Variants in PARP8 observed in about 807,000 individuals in gnomAD.
The protein encoded by PARP8 is poly(ADP-ribose) polymerase family member 8, also known as protein mono-ADP-ribosyltransferase PARP8.
In PARP8, 51 loss-of-function variants were observed where a neutral mutation model predicts 124.1. That is an observed-to-expected ratio of 0.41 (90% confidence interval 0.33 to 0.52). The LOEUF (loss-of-function observed/expected upper bound fraction) is 0.52, where lower values mean the gene tolerates loss of function less well. PARP8 is among the 20% of genes least tolerant of loss of function. The pLI is 0.21. For missense variants in PARP8, 860 were observed against 1,018.9 expected (o/e 0.84, Z 2.12); for synonymous variants, 391 against 361.5 (o/e 1.08, Z -0.93).
Position 50,825,322 on chromosome 5 carries a change from A to C in PARP8, c.1928+347A>C, listed in dbSNP as rs558399782. On this transcript the variant is annotated intron_variant, in intron 18 of 25. Transcript: ENST00000281631. ...TAATTTTCTAGTTCAGTGAGGACTA[A>C]GTGATCAAACTCAGTGTTTCAACCT... Among the ~76,000 whole-genome samples the C allele has an allele frequency of 2.9e-3, 440 of 152,334 alleles. 2 individuals carry two copies. The highest frequency in any genetic ancestry group is 0.01 in the African/African-American group (426 of 41,582).
chr5:50,755,598 T>C (rs1471188103), intron 3 of PARP8, among the ~76,000 whole-genome samples: 1 of 152,202 alleles, frequency 6.6e-6, no homozygotes, highest in Non-Finnish European at 1.5e-5. Context: ...ATAGTATAGT[T>C]TGAAGTCAGG....
At chr5:50,668,471 CATAAAA>C in intron 2 of PARP8, 1 of 203,570 alleles carries the variant, frequency 4.9e-6, no homozygotes, top group Non-Finnish European at 1.0e-5. Context: ...GTATAAAAGA[CATAAAA>C]TGTCACAAAA....
intron 2 of PARP8, among the ~76,000 whole-genome samples, chr5:50,732,610 A>AT (rs1326790301): frequency 1.3e-5 from 2 of 151,740 alleles, no homozygotes; most frequent in Non-Finnish European, 2.9e-5. Context: ...AGCAGATTGT[A>AT]TTTTTTTCTT....
At chr5:50,723,148 TGA>T (rs1214178107) in intron 2 of PARP8, among the ~76,000 whole-genome samples, 4 of 152,118 alleles carry the variant, frequency 2.6e-5, no homozygotes, top group Non-Finnish European at 4.4e-5. Context: ...TTCTTTCTCT[TGA>T]GAATCAACTT....
chr5:50,828,705 C>A (rs1238585301), intron 21 of PARP8, among the ~76,000 whole-genome samples: 5 of 151,254 alleles, frequency 3.3e-5, no homozygotes, highest in Non-Finnish European at 7.4e-5. Flanking sequence ...CATGGCAAAA[C>A]CCTGTCTCTA....
intron 2 of PARP8, among the ~76,000 whole-genome samples, chr5:50,672,275 C>T (rs981512548): frequency 6.6e-6 from 1 of 152,202 alleles, no homozygotes; most frequent in African/African-American, 2.4e-5. Flanking sequence ...GACTGTGAGC[C>T]TCTTGGAGAT....
chr5:50,696,899 C>T (rs529137287), intron 2 of PARP8, among the ~76,000 whole-genome samples: 1 of 152,256 alleles, frequency 6.6e-6, no homozygotes, highest in African/African-American at 2.4e-5. Flanking sequence ...CTTAACTGTT[C>T]TTGCCTTGGG....
intron 2 of PARP8, among the ~76,000 whole-genome samples, chr5:50,698,149 A>C (rs1266872254): frequency 6.6e-6 from 1 of 152,216 alleles, no homozygotes; most frequent in Admixed American, 6.5e-5. Context: ...TGCTCATGGA[A>C]TATTTCTCAG....
At chr5:50,765,193 C>T (rs1177423731) in intron 7 of PARP8, among the ~76,000 whole-genome samples, 2 of 151,088 alleles carry the variant, frequency 1.3e-5, no homozygotes, top group Admixed American at 1.3e-4. Flanking sequence ...ACTCAGGGGG[C>T]GGAGGTTGCA....
At chr5:50,832,028 T>C (rs1747045244) in intron 22 of PARP8, among the ~76,000 whole-genome samples, 1 of 152,158 alleles carries the variant, frequency 6.6e-6, no homozygotes, top group Non-Finnish European at 1.5e-5. Flanking sequence ...CCTGTCCCCA[T>C]CCACCCCTCC....
intron 25 of PARP8, 94 bp from the exon 26 acceptor site, chr5:50,841,871 TG>T: frequency 1.2e-6 from 1 of 809,084 alleles, no homozygotes; most frequent in Non-Finnish European, 1.9e-6. Context: ...TTGATTCTCT[TG>T]GGCTATATTT....
intron 21 of PARP8, 32 bp from the exon 22 acceptor site, chr5:50,829,860 C>A: frequency 6.5e-7 from 1 of 1,547,322 alleles, no homozygotes; most frequent in Non-Finnish European, 8.8e-7. Context: ...CATGAACAGA[C>A]CTCTCTCTCT....
chr5:50,746,813 G>A (rs2149544230), intron 2 of PARP8, among the ~76,000 whole-genome samples: 1 of 152,214 alleles, frequency 6.6e-6, no homozygotes, highest in South Asian at 2.1e-4. Flanking sequence ...GATCACTTGA[G>A]GCCAGATGTT....
At chr5:50,813,710 A>G (rs545379997) in intron 14 of PARP8, among the ~76,000 whole-genome samples, 2 of 152,286 alleles carry the variant, frequency 1.3e-5, no homozygotes, top group East Asian at 3.9e-4. Flanking sequence ...GCCCTTCAGT[A>G]TGATACTTGC....
chr5:50,748,641 A>G (rs1350753952), intron 2 of PARP8, among the ~76,000 whole-genome samples: 1 of 152,126 alleles, frequency 6.6e-6, no homozygotes, highest in Non-Finnish European at 1.5e-5. Context: ...TATGGGCTGA[A>G]TAGAGAATTC....
chr5:50,720,876 T>G (rs1402980280), intron 2 of PARP8, among the ~76,000 whole-genome samples: 6 of 151,938 alleles, frequency 3.9e-5, no homozygotes, highest in African/African-American at 1.4e-4. Context: ...ATCTCTTCTT[T>G]CAGACCAACC....
At chr5:50,713,717 G>A (rs1386090564) in intron 2 of PARP8, among the ~76,000 whole-genome samples, 1 of 152,024 alleles carries the variant, frequency 6.6e-6, no homozygotes, top group Non-Finnish European at 1.5e-5. Flanking sequence ...TTGAGATGGG[G>A]GGATTACCTT....
intron 2 of PARP8, among the ~76,000 whole-genome samples, chr5:50,735,562 TCAG>T (rs1350989533): frequency 6.6e-6 from 1 of 152,178 alleles, no homozygotes; most frequent in East Asian, 1.9e-4. Context: ...TTAATTGGAT[TCAG>T]GTTGTTTATC....
rs544675542 is a variant in PARP8 at position 50,833,542 on chromosome 5, T to C, written c.2308-437T>C. On this transcript the variant is annotated intron_variant, in intron 23 of 25. Coordinates refer to ENST00000281631, the MANE Select transcript of PARP8 (RefSeq NM_024615.4). Reference sequence around the variant, plus strand: ...AAAAAAAAATCCCAGATTTTCTACATGAAATGTTTCTGTAACCTCCGTGAC... The same window carrying C: ...AAAAAAAAATCCCAGATTTTCTACACGAAATGTTTCTGTAACCTCCGTGAC... 3.3e-5 allele frequency: 11 copies of C among 329,080 alleles called. No homozygotes were observed. The East Asian group carries it at 7.0e-4, about 21-fold the overall frequency. The allele number at this position is 329,080 out of a possible 1,614,324, so 20.4% of individuals were successfully genotyped here. A position where few individuals can be genotyped will look rare whatever the true frequency, so the allele number is the denominator to read the frequency against.
Sources: gnomAD v4.1 joint callset for allele counts (sites outside exome capture counted in the v4.1 genomes callset) on GRCh38, gnomAD v4.1.1 for gene constraint, MANE v1.5 for transcripts, NCBI Gene and HGNC (gene_info 2026-07-23, HGNC 2026-07-21) for gene names.